C22orf31: variants seen among roughly 807,000 people sequenced by gnomAD.
C22orf31 encodes the protein chromosome 22 open reading frame 31.
C22orf31 carries 11 observed loss-of-function variants against 15.0 expected under a neutral mutation model. That is an observed-to-expected ratio of 0.73 (90% CI 0.46 to 1.21). The LOEUF is 1.21. Ranked by LOEUF, C22orf31 falls within the 50% of genes most tolerant of loss-of-function variation. C22orf31 has a pLI of 0.00. For missense variants in C22orf31, 340 were observed against 347.2 expected (o/e 0.98, Z 0.17); for synonymous variants, 132 against 133.3 (o/e 0.99, Z 0.07).
the C22orf31 span, among the ~76,000 whole-genome samples, chr22:29,068,759 C>CT: frequency 0.013 from 1,424 of 112,982 alleles, 31 homozygotes; most frequent in East Asian, 0.035. Flanking sequence ...CAACCTGGTA[C>CT]TTTTTTTTTT....
chr22:29,060,536 C>T lies in C22orf31; in HGVS notation c.311G>A (p.Arg104Lys), dbSNP rs766018410. 1.2e-6 allele frequency: 2 copies of T among 1,614,148 alleles called. No individual in the cohort carries two copies. Among genetic ancestry groups the T allele is most frequent in the South Asian group, 1.1e-5 (1 of 91,080 alleles). Residue 104 changes from arginine to lysine, a missense_variant, in exon 2 of 3, where the codon AGA becomes AAA. Coordinates refer to ENST00000216071, the MANE Select transcript of C22orf31 (RefSeq NM_015370.2). The part of the protein sequence containing the change: ...CKFGEGKLSK[R>K]LKHKDDSVMK... The stretch of plus-strand genomic sequence containing the variant: ...CACTGAATCGTCCTTGTGCTTTAAT[C>T]TCTTCGAGAGTTTTCCTTCTCCAAA...
chr22:29,059,699 C>CCTT (rs3037524), intron 2 of C22orf31: 415,324 of 984,472 alleles, frequency 0.42, 89,743 homozygotes, highest in Middle Eastern at 0.49. Flanking sequence ...TCCAATCAGG[C>CCTT]CTTCGTAGGC....
At chr22:29,068,504 G>A in the C22orf31 span, among the ~76,000 whole-genome samples, 3 of 150,752 alleles carry the variant, frequency 2.0e-5, no homozygotes, top group South Asian at 2.1e-4. Flanking sequence ...TCTGCCTCTC[G>A]GGTTCACACC....
chr22:29,068,811 C>T, the C22orf31 span, among the ~76,000 whole-genome samples: 14 of 136,662 alleles, frequency 1.0e-4, no homozygotes, highest in Non-Finnish European at 2.1e-4. Context: ...GTCTCCCAGG[C>T]TGGAGGGCAG....
In C22orf31 at chr22:29,059,028, T is replaced by G. The variant is rs2037352347; in HGVS notation, c.587A>C (p.Gln196Pro). Reference protein sequence around the residue: ...RVLLPETQKRQQLSEDTLTIH... With the variant: ...RVLLPETQKRPQLSEDTLTIH... ...GGTTAGCGTGTCCTCCGACAACTGC[T>G]GTCTCTTTTGGGTTTCAGGAAGCAA... The change falls in exon 3 of 3, where the codon CAG becomes CCG. Residue 196 changes from glutamine (Q) to proline (P), a missense_variant. Coordinates refer to ENST00000216071, the MANE Select transcript of C22orf31 (RefSeq NM_015370.2). 6.2e-7 allele frequency: 1 copy of G among 1,614,248 alleles called. No individual in the cohort carries two copies. The highest frequency in any genetic ancestry group is 8.5e-7 in the Non-Finnish European group (1 of 1,180,042).
In C22orf31 at chr22:29,058,720, C is replaced by A; in HGVS notation, c.*22G>T. The A allele has an allele frequency of 6.4e-7, 1 of 1,564,864 alleles. No individual in the cohort carries two copies. Among genetic ancestry groups the A allele is most frequent in the South Asian group, 1.2e-5 (1 of 86,032 alleles). Reference sequence around the variant, plus strand: ...TTTCAGATCTCTAGCAGAGAATACTCTAATCCCATGAGTTCTTGTTCCTAT... The same window carrying A: ...TTTCAGATCTCTAGCAGAGAATACTATAATCCCATGAGTTCTTGTTCCTAT... On this transcript the variant is annotated 3_prime_UTR_variant, in exon 3 of 3. Coordinates refer to ENST00000216071, the MANE Select transcript of C22orf31 (RefSeq NM_015370.2).
chr22:29,069,023 A>G, the C22orf31 span, among the ~76,000 whole-genome samples: 4 of 151,974 alleles, frequency 2.6e-5, no homozygotes, highest in Admixed American at 1.3e-4. Context: ...CGGCCTCCCA[A>G]AGTGCTGGGA....
At chr22:29,067,287 G>A in the C22orf31 span, among the ~76,000 whole-genome samples, 1 of 151,106 alleles carries the variant, frequency 6.6e-6, no homozygotes, top group African/African-American at 2.4e-5. Flanking sequence ...ATTTTTTATT[G>A]TGTTTTCTAA....
upstream of C22orf31, among the ~76,000 whole-genome samples, chr22:29,062,235 A>G (rs2037398303): frequency 6.6e-6 from 1 of 152,134 alleles, no homozygotes; most frequent in South Asian, 2.1e-4. Flanking sequence ...ATTTGGGGAT[A>G]TGGGTAGTGA....
chr22:29,071,275 A>G, the C22orf31 span, among the ~76,000 whole-genome samples: 3 of 152,214 alleles, frequency 2.0e-5, no homozygotes, highest in East Asian at 1.9e-4. Context: ...CATGAAAACA[A>G]TAACTGAACA....
chr22:29,067,307 T>G, the C22orf31 span, among the ~76,000 whole-genome samples: 1 of 151,646 alleles, frequency 6.6e-6, no homozygotes, highest in Admixed American at 6.6e-5. Context: ...AAAATCCTCT[T>G]AAACTCTGTG....
chr22:29,066,539 CTTTTTTTTTTTTTTTTTTTTTT>C (rs134565), upstream of C22orf31, among the ~76,000 whole-genome samples: 19 of 70,232 alleles, frequency 2.7e-4, no homozygotes, highest in East Asian at 8.2e-4. Flanking sequence ...CTTTTCTTTT[CTTTTTTTTTTTTTTTTTTTTTT>C]TTTTTTTTTT....
chr22:29,062,855 C>T (rs1481465530), upstream of C22orf31, among the ~76,000 whole-genome samples: 3 of 151,884 alleles, frequency 2.0e-5, no homozygotes, highest in Non-Finnish European at 4.4e-5. Flanking sequence ...AGAGCTGGGT[C>T]GATTTTAGAG....
chr22:29,064,381 CA>C (rs2037414943), upstream of C22orf31, among the ~76,000 whole-genome samples: 1 of 152,208 alleles, frequency 6.6e-6, no homozygotes, highest in Non-Finnish European at 1.5e-5. Flanking sequence ...TTAATTTCCT[CA>C]GCTGTGAAAT....
At chr22:29,071,192 C>T in the C22orf31 span, among the ~76,000 whole-genome samples, 1 of 151,948 alleles carries the variant, frequency 6.6e-6, no homozygotes, top group Non-Finnish European at 1.5e-5. Flanking sequence ...CCGAGGCTGG[C>T]TGGGTGAGGG....
At chr22:29,073,480 C>A in the C22orf31 span, among the ~76,000 whole-genome samples, 1 of 152,076 alleles carries the variant, frequency 6.6e-6, no homozygotes, top group South Asian at 2.1e-4. This position sits in a 1 kb window ranked among gnomAD's most constrained non-coding sequence, Gnocchi z 4.4. Flanking sequence ...CAGCGACGCC[C>A]CTCAGCCCAG....
At chr22:29,062,730 C>T (rs1157875816), upstream of C22orf31, among the ~76,000 whole-genome samples, 1 of 152,042 alleles carries the variant, frequency 6.6e-6, no homozygotes, top group African/African-American at 2.4e-5. Flanking sequence ...AGCCTGCAGG[C>T]GGACCGCACC....
At chr22:29,072,512 G>A in the C22orf31 span, among the ~76,000 whole-genome samples, 7 of 152,358 alleles carry the variant, frequency 4.6e-5, no homozygotes, top group South Asian at 1.4e-3. Context: ...ATTGAGGTAA[G>A]AGCTATTTTT....
the C22orf31 span, among the ~76,000 whole-genome samples, chr22:29,068,581 T>C: frequency 1.3e-5 from 2 of 151,228 alleles, no homozygotes; most frequent in Non-Finnish European, 2.9e-5. Context: ...CGGCTAATTT[T>C]TTGTATTTTT....
Sources: gnomAD v4.1 joint callset for allele counts (sites outside exome capture counted in the v4.1 genomes callset) on GRCh38, gnomAD v4.1.1 for gene constraint, Gnocchi (gnomAD v3.1) non-coding constraint, MANE v1.5 for transcripts, NCBI Gene and HGNC (gene_info 2026-07-23, HGNC 2026-07-21) for gene names.